The following PDE9A variants were observed in gnomAD, a reference collection of about 807,000 sequenced individuals.
The protein encoded by PDE9A is high affinity cGMP-specific 3',5'-cyclic phosphodiesterase 9A.
PDE9A carries 60 observed loss-of-function variants against 87.4 expected under a neutral mutation model. The ratio of observed to expected loss-of-function variants is 0.69; its 90% confidence interval spans 0.56 to 0.85. The LOEUF is 0.85. PDE9A is among the 40% of genes least tolerant of loss of function. The pLI is 0.00. For synonymous variants in PDE9A, 272 were observed against 279.4 expected, an observed-to-expected ratio of 0.97 and a Z score of 0.27; for missense variants, 665 against 779.0, an observed-to-expected ratio of 0.85 and a Z score of 1.74.
rs554504564 is a variant in PDE9A at position 42,744,202 on chromosome 21, C to T, written c.653+342C>T. On this transcript the variant is annotated intron_variant, in intron 8 of 19. Coordinates refer to ENST00000291539, the MANE Select transcript of PDE9A (RefSeq NM_002606.3). ...ACCCCGTCTCTACTAAAAATACAAA[C>T]GGTAGCCAGGCATGGTGGCACATGC... is the stretch of plus-strand genomic sequence containing the variant. 5.3e-5 allele frequency among the ~76,000 whole-genome samples: 8 copies of T among 152,160 alleles called. No individual in the cohort carries two copies. In the South Asian group the frequency reaches 1.0e-3, roughly 20 times the overall value.
At chr21:42,761,511 C>G (rs1383900204) in intron 13 of PDE9A, among the ~76,000 whole-genome samples, 1 of 152,230 alleles carries the variant, frequency 6.6e-6, no homozygotes, top group Non-Finnish European at 1.5e-5. Context: ...GGGTCTGTGT[C>G]CTCAGTGGCG....
chr21:42,657,735 G>C (rs1178352011), intron 1 of PDE9A, among the ~76,000 whole-genome samples: 1 of 152,220 alleles, frequency 6.6e-6, no homozygotes, highest in Non-Finnish European at 1.5e-5. Context: ...GGTGTGGTGA[G>C]GAGCCACATC....
At chr21:42,654,022 C>G in intron 1 of PDE9A, 139 bp downstream of exon 1, 1 of 215,000 alleles carries the variant, frequency 4.7e-6, no homozygotes, top group Non-Finnish European at 9.4e-6. Flanking sequence ...TGGTCGGGGG[C>G]GGGGGTCCCC....
At chr21:42,746,804 C>A (rs985747822) in intron 8 of PDE9A, among the ~76,000 whole-genome samples, 1 of 152,208 alleles carries the variant, frequency 6.6e-6, no homozygotes, top group Non-Finnish European at 1.5e-5. Context: ...GCACCTGGGC[C>A]CATCTGAGTA....
chr21:42,703,041 C>T (rs8132877), intron 4 of PDE9A, among the ~76,000 whole-genome samples: 5,316 of 152,240 alleles, frequency 0.035, 131 homozygotes, highest in Non-Finnish European at 0.053. Flanking sequence ...AGGCCTAGGC[C>T]GGGGTGGGGG....
At chr21:42,713,692 C>G (rs934899092) in intron 4 of PDE9A, among the ~76,000 whole-genome samples, 3 of 151,702 alleles carry the variant, frequency 2.0e-5, no homozygotes, top group African/African-American at 7.3e-5. Context: ...TTGTGTGTGT[C>G]TTTTTAATAG....
At chr21:42,769,601 CAAAT>C (rs2056798418) in intron 17 of PDE9A, among the ~76,000 whole-genome samples, 1 of 146,532 alleles carries the variant, frequency 6.8e-6, no homozygotes, top group African/African-American at 2.5e-5. Flanking sequence ...CACAGGCACA[CAAAT>C]GCACATGCAG....
intron 9 of PDE9A, among the ~76,000 whole-genome samples, chr21:42,753,327 C>A (rs1209384431): frequency 1.3e-5 from 2 of 152,150 alleles, no homozygotes; most frequent in African/African-American, 4.8e-5. Context: ...TATCATCGGG[C>A]TTGTTGAGGT....
intron 4 of PDE9A, among the ~76,000 whole-genome samples, chr21:42,719,645 A>C (rs11203212): frequency 6.5e-5 from 3 of 46,362 alleles, no homozygotes; most frequent in African/African-American, 2.5e-4. Context: ...GTCTCAAAAA[A>C]AAAAAAAAAA....
At position 42,772,536 on chromosome 21, in the gene PDE9A, C is replaced by T; in HGVS notation, c.1768+16C>T. The T allele has an allele frequency of 1.9e-6, 3 of 1,539,644 alleles. No individual in the cohort carries two copies. Among genetic ancestry groups the T allele is most frequent in the Non-Finnish European group, 2.7e-6 (3 of 1,122,030 alleles). On this transcript the variant is annotated intron_variant, in intron 19 of 19. Transcript: ENST00000291539. ...AACAGTGAAGGTAATGCTTGCTCTG[C>T]TGAAGTGGCATCTCAGCGCATACAA...
chr21:42,658,946 G>A lies in PDE9A; in HGVS notation c.69+5063G>A, dbSNP rs569552763. On this transcript the variant is annotated intron_variant, in intron 1 of 19. Coordinates refer to ENST00000291539, the MANE Select transcript of PDE9A (RefSeq NM_002606.3). ...AATGAGAGTTGCCAGCCTTATTGCTGTCCTGACCCCTGGCTGGGGACGACT... is the reference window on the plus strand; with the variant it reads ...AATGAGAGTTGCCAGCCTTATTGCTATCCTGACCCCTGGCTGGGGACGACT... Among the ~76,000 whole-genome samples the A allele has an allele frequency of 1.4e-3, 210 of 152,246 alleles. 1 individual carries two copies. Among genetic ancestry groups the A allele is most frequent in the Non-Finnish European group, 2.8e-3 (188 of 68,010 alleles).
intron 7 of PDE9A, among the ~76,000 whole-genome samples, chr21:42,736,366 C>T (rs1467339747): frequency 6.6e-6 from 1 of 152,160 alleles, no homozygotes; most frequent in African/African-American, 2.4e-5. Context: ...TCGAAGACCA[C>T]TGAAGGAAAT....
rs1160644967 is a variant in PDE9A at position 42,722,003 on chromosome 21, A to G, written c.263-9767A>G. Among the ~76,000 whole-genome samples, 2 of 149,834 alleles carry G rather than the reference A, an allele frequency of 1.3e-5. No homozygotes were observed. Among genetic ancestry groups the G allele is most frequent in the Non-Finnish European group, 3.0e-5 (2 of 67,732 alleles). ...TTTTCTTTTTTTTTTTTGAGATGGA[A>G]TCTTGCTCTGTCACCAGGCTGGAGT... On this transcript the variant is annotated intron_variant, in intron 4 of 19. Coordinates refer to ENST00000291539, the MANE Select transcript of PDE9A (RefSeq NM_002606.3). This position sits in a 1 kb window ranked among gnomAD's most constrained non-coding sequence, Gnocchi z 4.1.
intron 18 of PDE9A, 126 bp downstream of exon 18, chr21:42,770,924 C>T (rs1313100412): frequency 3.2e-5 from 21 of 655,478 alleles, no homozygotes; most frequent in South Asian, 7.0e-5. Context: ...GACAGGCACA[C>T]GTGTACCTTC....
chr21:42,768,720 C>T (rs1228795183), intron 16 of PDE9A: 9 of 985,302 alleles, frequency 9.1e-6, no homozygotes, highest in African/African-American at 1.7e-5. Context: ...AATATTAATA[C>T]AACAGCTTGA....
At chr21:42,763,093 GC>G (rs1277062475) in intron 14 of PDE9A, among the ~76,000 whole-genome samples, 1 of 152,148 alleles carries the variant, frequency 6.6e-6, no homozygotes, top group Non-Finnish European at 1.5e-5. Context: ...TGGTCCACCT[GC>G]CCCAGACAAA....
chr21:42,679,382 G>A (rs1004784035), intron 1 of PDE9A, among the ~76,000 whole-genome samples: 1 of 147,398 alleles, frequency 6.8e-6, no homozygotes, highest in East Asian at 2.2e-4. Flanking sequence ...CGCGTTCAGC[G>A]GCTGGAGTCC....
intron 1 of PDE9A, among the ~76,000 whole-genome samples, chr21:42,664,441 G>A (rs2057821280): frequency 6.6e-6 from 1 of 152,222 alleles, no homozygotes; most frequent in African/African-American, 2.4e-5. Context: ...GAGGCAGGAG[G>A]CCAGCGAGGG....
At chr21:42,686,908 C>A (rs972303560) in intron 2 of PDE9A, among the ~76,000 whole-genome samples, 2 of 152,074 alleles carry the variant, frequency 1.3e-5, no homozygotes, top group African/African-American at 4.8e-5. Flanking sequence ...TGTGTTTGGT[C>A]CCCAGCCCCA....
Sources: allele counts gnomAD v4.1 joint callset (sites outside exome capture counted in the v4.1 genomes callset), GRCh38; gene constraint gnomAD v4.1.1; non-coding constraint Gnocchi (gnomAD v3.1); transcripts MANE v1.5; gene names NCBI Gene and HGNC (gene_info 2026-07-23, HGNC 2026-07-21).